The following CACNG1 variants were observed in gnomAD, a reference collection of about 807,000 sequenced individuals.
CACNG1 encodes calcium voltage-gated channel auxiliary subunit gamma 1, also known as voltage-dependent calcium channel gamma-1 subunit.
Under a neutral mutation model 22.0 loss-of-function variants are expected in CACNG1, and 21 were observed. That is an observed-to-expected ratio of 0.95 (90% CI 0.68 to 1.37). The LOEUF is 1.37. Ranked by LOEUF, CACNG1 falls within the 40% of genes most tolerant of loss-of-function variation. CACNG1 has a pLI of 0.00. For synonymous variants in CACNG1, 127 were observed against 129.2 expected (o/e 0.98, Z 0.12); for missense variants, 291 against 308.6 (o/e 0.94, Z 0.43).
At chr17:67,049,763 G>C (rs1476660521) in intron 1 of CACNG1, among the ~76,000 whole-genome samples, 1 of 152,178 alleles carries the variant, frequency 6.6e-6, no homozygotes, top group Non-Finnish European at 1.5e-5. Flanking sequence ...TCTGACCCAA[G>C]TGAACACAAG....
intron 1 of CACNG1, among the ~76,000 whole-genome samples, chr17:67,045,520 CCTT>C (rs1271164802): frequency 0.014 from 2,018 of 147,534 alleles, 44 homozygotes; most frequent in African/African-American, 0.051. Flanking sequence ...CCTGCCCCCA[CCTT>C]CTTTTTTTTT....
Position 67,054,016 on chromosome 17 carries a change from A to G in CACNG1, c.250A>G (p.Arg84Gly). 2 of 1,614,088 alleles carry G rather than the reference A, an allele frequency of 1.2e-6. No individual in the cohort carries two copies. The highest frequency in any genetic ancestry group is 3.3e-4 in the Middle Eastern group (2 of 6,062). The change falls in exon 2 of 4, where the codon AGG (arginine) becomes GGG (glycine). Residue 84 changes from arginine to glycine, a missense_variant. By Grantham distance (125) the Arg-to-Gly change is moderately radical. Transcript: ENST00000226021. The surrounding 1 kb of genome is among the most constrained non-coding windows in gnomAD (Gnocchi z 4.6). The part of the protein sequence containing the change: ...LPGEKNCSYF[R>G]HFNPGESSEI... ...TGCAGAGAAGAACTGTTCCTACTTC[A>G]GGCATTTTAACCCCGGCGAGAGCTC...
At chr17:67,049,518 G>T (rs1329057487) in intron 1 of CACNG1, among the ~76,000 whole-genome samples, 2 of 152,012 alleles carry the variant, frequency 1.3e-5, no homozygotes, top group African/African-American at 4.8e-5. Flanking sequence ...CTACAGGTGG[G>T]TCTCATTCTA....
chr17:67,050,674 C>T (rs1367687892), intron 1 of CACNG1, among the ~76,000 whole-genome samples: 3 of 152,198 alleles, frequency 2.0e-5, no homozygotes, highest in Admixed American at 2.0e-4. Flanking sequence ...TCCCTATTAA[C>T]TCAAGTTCAG....
In CACNG1 at chr17:67,055,146, C is replaced by T. The variant is rs1004798731; in HGVS notation, c.348C>T (p.Gly116=). The part of the protein sequence containing the change: ...SAAAIAIFSL[G]FIILGSLCVL... Reference sequence around the variant, plus strand: ...CCGCCATCGCCATCTTCAGCCTTGGCTTCATCATCCTGGGCAGCCTCTGTG... The same window carrying T: ...CCGCCATCGCCATCTTCAGCCTTGGTTTCATCATCCTGGGCAGCCTCTGTG... Residue 116 remains glycine (G), a synonymous_variant, in exon 3 of 4, where the codon GGC becomes GGT. Transcript: ENST00000226021. This position sits in a 1 kb window ranked among gnomAD's most constrained non-coding sequence, Gnocchi z 4.5. The T allele has an allele frequency of 6.2e-7, 1 of 1,614,238 alleles. No individual in the cohort carries two copies. The highest frequency in any genetic ancestry group is 1.6e-4 in the Middle Eastern group (1 of 6,062).
rs147675580 is a variant in CACNG1, at chr17:67,054,387, C to T, written c.304+317C>T. 6.6e-5 allele frequency among the ~76,000 whole-genome samples: 10 copies of T among 152,254 alleles called. No individual in the cohort carries two copies. Among genetic ancestry groups the T allele is most frequent in the East Asian group, 1.9e-4 (1 of 5,178 alleles). On this transcript the variant is annotated intron_variant, in intron 2 of 3. Coordinates refer to ENST00000226021, the MANE Select transcript of CACNG1 (RefSeq NM_000727.4). This position sits in a 1 kb window ranked among gnomAD's most constrained non-coding sequence, Gnocchi z 4.6. ...ATGTGGAACAAATGCTCAGAAGCCC[C>T]GTGGTGGCTCTTGGTGGCATGTGAT... is the stretch of plus-strand genomic sequence containing the variant.
chr17:67,052,331 G>A (rs1481263272), intron 1 of CACNG1, among the ~76,000 whole-genome samples: 2 of 152,186 alleles, frequency 1.3e-5, no homozygotes, highest in African/African-American at 2.4e-5. Flanking sequence ...CCATCTCCAG[G>A]GGTCATTTGC....
chr17:67,048,001 C>T (rs541553777), intron 1 of CACNG1, among the ~76,000 whole-genome samples: 5 of 152,140 alleles, frequency 3.3e-5, no homozygotes, highest in East Asian at 1.9e-4. Context: ...TGTTGCCAAG[C>T]GTTTTAGGAA....
Position 67,055,835 on chromosome 17 carries a change from T to C in CACNG1, c.443-210T>C, listed in dbSNP as rs558048335. On this transcript the variant is annotated intron_variant, in intron 3 of 3. Transcript: ENST00000226021. This position sits in a 1 kb window ranked among gnomAD's most constrained non-coding sequence, Gnocchi z 4.5. ...GATTACAGGTGTGAGCCACCACACC[T>C]GGCCACATGGTTGCCCTTCTGAGGG... Among the ~76,000 whole-genome samples the C allele has an allele frequency of 1.3e-5, 2 of 152,270 alleles. No individual in the cohort carries two copies. Among genetic ancestry groups the C allele is most frequent in the South Asian group, 4.1e-4 (2 of 4,824 alleles).
At chr17:67,053,553 C>G (rs1567766950) in intron 1 of CACNG1, among the ~76,000 whole-genome samples, 1 of 152,236 alleles carries the variant, frequency 6.6e-6, no homozygotes, top group Non-Finnish European at 1.5e-5. Flanking sequence ...CGGCTGGGTG[C>G]CAGGTGTACC....
Position 67,055,098 on chromosome 17 carries a change from T to G in CACNG1, c.305-5T>G. On this transcript the variant is annotated splice_region_variant and splice_polypyrimidine_tract_variant and intron_variant, in intron 2 of 3. Transcript: ENST00000226021. The surrounding 1 kb of genome is among the most constrained non-coding windows in gnomAD (Gnocchi z 4.5). ...CCGCATGCTGGGTGTCCCTTGTGTTTGCAGAGTACAGCATCTCGGCAGCCG... is the reference window on the plus strand; with the variant it reads ...CCGCATGCTGGGTGTCCCTTGTGTTGGCAGAGTACAGCATCTCGGCAGCCG... 6.2e-7 allele frequency: 1 copy of G among 1,612,738 alleles called. No individual in the cohort carries two copies. Among genetic ancestry groups the G allele is most frequent in the East Asian group, 2.2e-5 (1 of 44,852 alleles).
chr17:67,044,768 C>A lies in CACNG1; in HGVS notation c.108C>A (p.Ser36Arg). 1.2e-6 allele frequency: 2 copies of A among 1,613,122 alleles called. No individual in the cohort carries two copies. Among genetic ancestry groups the A allele is most frequent in the South Asian group, 2.2e-5 (2 of 91,088 alleles). Residue 36 changes from serine (S) to arginine (R), a missense_variant, in exon 1 of 4, where the codon AGC (serine) becomes AGA (arginine). Coordinates refer to ENST00000226021, the MANE Select transcript of CACNG1 (RefSeq NM_000727.4). The surrounding 1 kb of genome is among the most constrained non-coding windows in gnomAD (Gnocchi z 6.9). ...TAACCGACCACTGGGCTGTGCTGAG[C>A]CCCCACATGGAGCACCACAACACTA... ...AVVTDHWAVL[S>R]PHMEHHNTTC... is the part of the protein sequence containing the mutation.
chr17:67,049,820 AG>A (rs2035718382), intron 1 of CACNG1, among the ~76,000 whole-genome samples: 1 of 152,200 alleles, frequency 6.6e-6, no homozygotes, highest in Admixed American at 6.5e-5. Context: ...CTGGACCAGA[AG>A]CTGGTGCAGT....
rs2035756116 is a variant in CACNG1, at chr17:67,055,471, G to A, written c.442+231G>A. ...ACGACTCAACCCTCAAGGCCCCAAAGAAACTGCCCAGAGAATGATTAACAA... is the reference window on the plus strand; with the variant it reads ...ACGACTCAACCCTCAAGGCCCCAAAAAAACTGCCCAGAGAATGATTAACAA... On this transcript the variant is annotated intron_variant, in intron 3 of 3. Coordinates refer to ENST00000226021, the MANE Select transcript of CACNG1 (RefSeq NM_000727.4). This position sits in a 1 kb window ranked among gnomAD's most constrained non-coding sequence, Gnocchi z 4.5. Among the ~76,000 whole-genome samples the A allele has an allele frequency of 6.6e-6, 1 of 152,182 alleles. No homozygotes were observed.
chr17:67,056,303 C>A lies in CACNG1; in HGVS notation c.*32C>A. On this transcript the variant is annotated 3_prime_UTR_variant, in exon 4 of 4. Coordinates refer to ENST00000226021, the MANE Select transcript of CACNG1 (RefSeq NM_000727.4). The surrounding 1 kb of genome is among the most constrained non-coding windows in gnomAD (Gnocchi z 4.3). ...TGCGGCCCTAGCGACCCTCAGGCTT[C>A]TTCCCCAGGAAGCGGGGTCTTGGCC... is the stretch of plus-strand genomic sequence containing the variant. 6.3e-7 allele frequency: 1 copy of A among 1,598,220 alleles called. No individual in the cohort carries two copies. Among genetic ancestry groups the A allele is most frequent in the Non-Finnish European group, 8.6e-7 (1 of 1,166,860 alleles).
In CACNG1 at chr17:67,055,209, G is replaced by A. The variant is rs758336354; in HGVS notation, c.411G>A (p.Leu137=). 9 of 1,614,200 alleles carry A rather than the reference G, an allele frequency of 5.6e-6. No individual in the cohort carries two copies. ...TCGGGAAGAAGAGGGACTATCTGCT[G>A]CGACCCGCGTCCATGTTCTATGCCT... ...LSLGKKRDYL[L]RPASMFYAFA... The change falls in exon 3 of 4, where the codon CTG becomes CTA. Residue 137 remains leucine, a synonymous_variant. Coordinates refer to ENST00000226021, the MANE Select transcript of CACNG1 (RefSeq NM_000727.4). This position sits in a 1 kb window ranked among gnomAD's most constrained non-coding sequence, Gnocchi z 4.5.
chr17:67,052,111 C>T (rs2035731394), intron 1 of CACNG1, among the ~76,000 whole-genome samples: 1 of 152,140 alleles, frequency 6.6e-6, no homozygotes. Context: ...GAGAGATCTA[C>T]AGCCAATAAT....
chr17:67,054,577 T>C lies in CACNG1; in HGVS notation c.304+507T>C, dbSNP rs952214274. The stretch of plus-strand genomic sequence containing the variant: ...CCGTGCCTGCCTGCGCCCAGACAGC[T>C]GCACACAGGGTGAGTGGGCAGACAC... On this transcript the variant is annotated intron_variant, in intron 2 of 3. Coordinates refer to ENST00000226021, the MANE Select transcript of CACNG1 (RefSeq NM_000727.4). The surrounding 1 kb of genome is among the most constrained non-coding windows in gnomAD (Gnocchi z 4.6). Among the ~76,000 whole-genome samples, 1 of 151,992 alleles carries C rather than the reference T, an allele frequency of 6.6e-6. No individual in the cohort carries two copies. Among genetic ancestry groups the C allele is most frequent in the Non-Finnish European group, 1.5e-5 (1 of 67,998 alleles).
chr17:67,046,246 G>A (rs150177419), intron 1 of CACNG1, among the ~76,000 whole-genome samples: 13 of 152,296 alleles, frequency 8.5e-5, no homozygotes, highest in Non-Finnish European at 1.8e-4. Flanking sequence ...ATCCACAGTG[G>A]CAGTGGAGCA....
Sources: gnomAD v4.1 joint callset for allele counts (sites outside exome capture counted in the v4.1 genomes callset) on GRCh38, gnomAD v4.1.1 for gene constraint, Gnocchi (gnomAD v3.1) non-coding constraint, MANE v1.5 for transcripts, NCBI Gene and HGNC (gene_info 2026-07-23, HGNC 2026-07-21) for gene names.